The following BFAR variants were observed in gnomAD, a reference collection of about 807,000 sequenced individuals.
BFAR encodes RING finger protein 47.
A neutral mutation model predicts 54.4 loss-of-function variants in BFAR; 52 were observed. That is an observed-to-expected ratio of 0.96 (90% confidence interval 0.77 to 1.21). The LOEUF is 1.21. Ranked by LOEUF, BFAR falls within the 50% of genes most tolerant of loss-of-function variation. The probability of loss-of-function intolerance (pLI) is 0.00; values close to 1 mark genes in which losing one functional copy is unlikely to be tolerated. For missense variants in BFAR, 571 were observed against 534.0 expected, an observed-to-expected ratio of 1.07 and a Z score of -0.68; for synonymous variants, 215 against 204.3, an observed-to-expected ratio of 1.05 and a Z score of -0.45.
In BFAR at chr16:14,668,105, C is replaced by T. The variant is rs928654756; in HGVS notation, c.*278C>T. The T allele has an allele frequency of 8.8e-6, 4 of 454,110 alleles. No individual in the cohort carries two copies. The highest frequency in any genetic ancestry group is 1.6e-5 in the Non-Finnish European group (4 of 253,726). The allele number at this position is 454,110 out of a possible 1,614,324, so 28.1% of individuals were successfully genotyped here. On this transcript the variant is annotated 3_prime_UTR_variant, in exon 8 of 8. Coordinates refer to ENST00000261658, the MANE Select transcript of BFAR (RefSeq NM_016561.3). ...CCTCACAGGGACTAGGAGGCTCAGT[C>T]CCCAACGGCTGGCAAGACTCAGGGT... is the stretch of plus-strand genomic sequence containing the variant.
In BFAR at chr16:14,655,144, C is replaced by G; in HGVS notation, c.717C>G (p.Ile239Met). 6.2e-7 allele frequency: 1 copy of G among 1,612,218 alleles called. No homozygotes were observed. Among genetic ancestry groups the G allele is most frequent in the Non-Finnish European group, 8.5e-7 (1 of 1,179,272 alleles). The change falls in exon 5 of 8, where the codon ATC becomes ATG. Residue 239 changes from isoleucine to methionine, a missense_variant. Physicochemically the swap from Ile to Met is conservative, Grantham distance 10. Transcript: ENST00000261658. ...AAAACAGCAGCCACAGGAGAGCCAT[C>G]CTCATGGAGCTAGAACGTGTCAAAG... ...TIENSSHRRA[I>M]LMELERVKAL...
At chr16:14,644,193 T>C (rs1167470016) in intron 1 of BFAR, 81 bp from the exon 2 acceptor site, 3 of 782,340 alleles carry the variant, frequency 3.8e-6, no homozygotes, top group Non-Finnish European at 6.1e-6. Flanking sequence ...AGCGCTTCAA[T>C]AGAATGTCAA....
intron 1 of BFAR, among the ~76,000 whole-genome samples, chr16:14,633,959 TGTC>T (rs1371366802): frequency 1.3e-5 from 2 of 152,216 alleles, no homozygotes; most frequent in East Asian, 3.9e-4. Flanking sequence ...GGCCGAGAAT[TGTC>T]TTTTATTAAA....
At chr16:14,667,311 C>T (rs1277409437) in intron 7 of BFAR, 5 of 304,824 alleles carry the variant, frequency 1.6e-5, no homozygotes, top group Non-Finnish European at 3.0e-5. Flanking sequence ...ACTGCACTCC[C>T]AGGCTGGACA....
chr16:14,658,817 A>G, intron 5 of BFAR, among the ~76,000 whole-genome samples: 1 of 152,018 alleles, frequency 6.6e-6, no homozygotes, highest in Non-Finnish European at 1.5e-5. Flanking sequence ...CTGTATCACT[A>G]CCATGTCCTG....
intron 5 of BFAR, among the ~76,000 whole-genome samples, chr16:14,659,251 G>A (rs537349535): frequency 7.1e-6 from 1 of 140,520 alleles, no homozygotes; most frequent in Non-Finnish European, 1.6e-5. Flanking sequence ...TTTGTTTTTT[G>A]TTTTTTTTTG....
At position 14,649,859 on chromosome 16, in the gene BFAR, T is replaced by G; in HGVS notation, c.524T>G (p.Val175Gly). The change falls in exon 4 of 8, where the codon GTC becomes GGC. Residue 175 changes from valine to glycine, a missense_variant. Transcript: ENST00000261658. ...AGGGAATCTGAACACGACCTCCTGG[T>G]CCACAAGGCTGTGGCCAAATGGACG... Reference protein sequence around the residue: ...SSRESEHDLLVHKAVAKWTAE... With the variant: ...SSRESEHDLLGHKAVAKWTAE... The G allele has an allele frequency of 6.2e-7, 1 of 1,613,026 alleles. No homozygotes were observed. The highest frequency in any genetic ancestry group is 2.2e-5 in the East Asian group (1 of 44,850).
At chr16:14,645,412 T>C (rs1959763531) in intron 2 of BFAR, among the ~76,000 whole-genome samples, 1 of 152,250 alleles carries the variant, frequency 6.6e-6, no homozygotes, top group African/African-American at 2.4e-5. Context: ...TAACCCCAGT[T>C]CCAGTTATCA....
intron 1 of BFAR, among the ~76,000 whole-genome samples, chr16:14,636,823 C>G (rs1020265766): frequency 4.6e-5 from 7 of 152,226 alleles, no homozygotes; most frequent in Non-Finnish European, 8.8e-5. Flanking sequence ...GCAGTGTTTG[C>G]GTCCCTGGGT....
At chr16:14,653,071 C>T (rs919583359) in intron 4 of BFAR, among the ~76,000 whole-genome samples, 3 of 152,156 alleles carry the variant, frequency 2.0e-5, no homozygotes, top group African/African-American at 7.2e-5. Flanking sequence ...AATTTCTCTA[C>T]CTAGTTAGTA....
chr16:14,665,508 A>C (rs1205703530), intron 7 of BFAR, among the ~76,000 whole-genome samples: 1 of 152,190 alleles, frequency 6.6e-6, no homozygotes, highest in Non-Finnish European at 1.5e-5. Context: ...GGCCTTGCCA[A>C]CAGAAGCCCT....
Position 14,668,088 on chromosome 16 carries a change from G to T in BFAR, c.*261G>T, listed in dbSNP as rs1960494747. ...TCCCACCCAGCCACCTTCCTCACAG[G>T]GACTAGGAGGCTCAGTCCCCAACGG... is the stretch of plus-strand genomic sequence containing the variant. On this transcript the variant is annotated 3_prime_UTR_variant, in exon 8 of 8. Coordinates refer to ENST00000261658, the MANE Select transcript of BFAR (RefSeq NM_016561.3). The T allele has an allele frequency of 4.0e-6, 2 of 495,594 alleles. No homozygotes were observed. The highest frequency in any genetic ancestry group is 1.9e-5 in the African/African-American group (1 of 52,348). The allele number at this position is 495,594 out of a possible 1,614,324, so 30.7% of individuals were successfully genotyped here. A position where few individuals can be genotyped will look rare whatever the true frequency, so the allele number is the denominator to read the frequency against.
intron 5 of BFAR, among the ~76,000 whole-genome samples, chr16:14,659,139 C>A (rs1960212180): frequency 6.6e-6 from 1 of 152,102 alleles, no homozygotes; most frequent in Non-Finnish European, 1.5e-5. Context: ...AAACTGCTGA[C>A]CTCAGGTGAT....
intron 2 of BFAR, 23 bp from the exon 3 acceptor site, chr16:14,648,365 T>A: frequency 6.7e-7 from 1 of 1,486,486 alleles, no homozygotes. Flanking sequence ...ACTGTCTTAA[T>A]TTTTTTTTTC....
chr16:14,661,762 G>A (rs551927005), intron 5 of BFAR, 130 bp from the exon 6 acceptor site: 59 of 1,006,024 alleles, frequency 5.9e-5, no homozygotes, highest in African/African-American at 2.3e-4. Context: ...TCTTCTTGCC[G>A]TTCATTCATT....
chr16:14,651,782 T>C (rs982581596), intron 4 of BFAR, among the ~76,000 whole-genome samples: 1 of 151,486 alleles, frequency 6.6e-6, no homozygotes. Flanking sequence ...ACCCTCCTCA[T>C]GGAAGATTCT....
intron 4 of BFAR, among the ~76,000 whole-genome samples, chr16:14,650,795 A>G (rs1567489764): frequency 1.3e-5 from 2 of 152,234 alleles, no homozygotes; most frequent in African/African-American, 2.4e-5. Context: ...TAATGATGCT[A>G]TGATCGTTCA....
intron 1 of BFAR, among the ~76,000 whole-genome samples, chr16:14,635,342 T>A (rs960241341): frequency 6.6e-6 from 1 of 151,968 alleles, no homozygotes; most frequent in Non-Finnish European, 1.5e-5. Flanking sequence ...CTCAAAGACA[T>A]AAAAGATTGA....
intron 6 of BFAR, among the ~76,000 whole-genome samples, chr16:14,664,459 ATGTGTG>A (rs149568321): frequency 2.7e-5 from 4 of 149,022 alleles, no homozygotes; most frequent in Non-Finnish European, 6.0e-5. Flanking sequence ...AGATTGTTGG[ATGTGTG>A]TGTGTGTGTG....
Sources: allele counts gnomAD v4.1 joint callset (sites outside exome capture counted in the v4.1 genomes callset), GRCh38; gene constraint gnomAD v4.1.1; transcripts MANE v1.5; gene names NCBI Gene and HGNC (gene_info 2026-07-23, HGNC 2026-07-21).